Variants in IL4R observed in about 807,000 individuals in gnomAD.
The protein encoded by IL4R is interleukin-4 receptor subunit alpha.
IL4R carries 17 observed loss-of-function variants against 41.5 expected under a neutral mutation model. The ratio of observed to expected loss-of-function variants is 0.41; its 90% CI spans 0.28 to 0.61. IL4R has a LOEUF of 0.61. IL4R is among the 20% of genes least tolerant of loss of function. The pLI, the probability that IL4R is intolerant of heterozygous loss-of-function variation, is 0.31. For missense variants in IL4R, 974 were observed against 1,043.1 expected, an observed-to-expected ratio of 0.93 and a Z score of 0.91; for synonymous variants, 402 against 422.9, an observed-to-expected ratio of 0.95 and a Z score of 0.61.
At chr16:27,348,701 G>A (rs554082447) in intron 6 of IL4R, among the ~76,000 whole-genome samples, 6 of 152,344 alleles carry the variant, frequency 3.9e-5, no homozygotes, top group African/African-American at 1.4e-4. Context: ...ACCAATCACT[G>A]GCTGTGGGTG....
chr16:27,342,254 C>G lies in IL4R; in HGVS notation c.204C>G (p.Leu68=), dbSNP rs2085466720. The part of the protein sequence containing the change: ...LRLLYQLVFL[L]SEAHTCIPEN... ...TGTTGTACCAGCTGGTTTTTCTGCT[C>G]TCCGAGTAAGCCTGCGCTGGAGCTG... The change falls in exon 4 of 11, where the codon CTC becomes CTG. Residue 68 remains leucine (L), a synonymous_variant. Coordinates refer to ENST00000395762, the MANE Select transcript of IL4R (RefSeq NM_000418.4). The G allele has an allele frequency of 1.9e-6, 3 of 1,614,234 alleles. No homozygotes were observed. The highest frequency in any genetic ancestry group is 2.5e-6 in the Non-Finnish European group (3 of 1,180,026).
intron 2 of IL4R, among the ~76,000 whole-genome samples, chr16:27,335,323 G>A (rs1329317570): frequency 6.6e-6 from 1 of 152,122 alleles, no homozygotes; most frequent in African/African-American, 2.4e-5. Context: ...TTTGCAGGGA[G>A]TTACTTTGAG....
chr16:27,351,527 TTTC>T (rs1459345306), intron 6 of IL4R, among the ~76,000 whole-genome samples: 10,542 of 130,044 alleles, frequency 0.081, 492 homozygotes, highest in Middle Eastern at 0.1. Context: ...TTTTTTTTTT[TTTC>T]CGAGACGAAG....
intron 7 of IL4R, chr16:27,355,074 A>T: frequency 2.2e-6 from 1 of 447,952 alleles, no homozygotes; most frequent in Non-Finnish European, 4.8e-6. Flanking sequence ...ACACTGGGGA[A>T]TCGGCGATGA....
intron 6 of IL4R, among the ~76,000 whole-genome samples, chr16:27,352,181 A>C (rs906822620): frequency 2.0e-5 from 3 of 152,244 alleles, no homozygotes; most frequent in African/African-American, 4.8e-5. Flanking sequence ...TTTGCAGATG[A>C]GGACATTGAG....
In IL4R at chr16:27,363,326, CAG is replaced by C; in HGVS notation, c.1975_1976del (p.Arg659GlyfsTer131). The C allele has an allele frequency of 1.2e-6, 2 of 1,613,250 alleles. No individual in the cohort carries two copies. The highest frequency in any genetic ancestry group is 1.7e-6 in the Non-Finnish European group (2 of 1,179,570). ...TCCCCTTGTTCACCTTTGGACTGGA[CAG>C]GGAGCCACCTCGCAGTCCGCAGAGC... ...PVPLFTFGLDREPPRSPQSSH... is the reference protein window; with the variant it reads ...PVPLFTFGLDXEPPRSPQSSH... On this transcript the variant is annotated frameshift_variant, in exon 11 of 11. Coordinates refer to ENST00000395762, the MANE Select transcript of IL4R (RefSeq NM_000418.4). LOFTEE classifies it low-confidence loss of function (END_TRUNC).
At chr16:27,341,367 TG>T (rs1301047045) in intron 3 of IL4R, 1 of 595,580 alleles carries the variant, frequency 1.7e-6, no homozygotes, top group Non-Finnish European at 3.0e-6. Flanking sequence ...GAGATAAGCT[TG>T]GAATATTTAT....
At position 27,364,042 on chromosome 16, in the gene IL4R, C is replaced by T. The variant is rs2086413272; in HGVS notation, c.*212C>T. 1.8e-5 allele frequency: 11 copies of T among 595,720 alleles called. No homozygotes were observed. The highest frequency in any genetic ancestry group is 2.9e-5 in the Non-Finnish European group (10 of 343,118). 36.9% of individuals were successfully genotyped at this position (595,720 alleles called of 1,614,324 possible). On this transcript the variant is annotated 3_prime_UTR_variant, in exon 11 of 11. Coordinates refer to ENST00000395762, the MANE Select transcript of IL4R (RefSeq NM_000418.4). ...GCATTGGGCTGGGCTCGCCACATCC[C>T]ATGAGAGTAGAGGGCACTGGGTCGC...
chr16:27,314,594 T>C (rs879545815), intron 1 of IL4R, among the ~76,000 whole-genome samples: 3 of 152,140 alleles, frequency 2.0e-5, no homozygotes, highest in African/African-American at 4.8e-5. Flanking sequence ...TCATGGACAT[T>C]GTACAGATGA....
At chr16:27,326,900 T>C (rs1281211809) in intron 1 of IL4R, among the ~76,000 whole-genome samples, 1 of 152,094 alleles carries the variant, frequency 6.6e-6, no homozygotes, top group African/African-American at 2.4e-5. Flanking sequence ...TGCCTTACTA[T>C]CCCAGTGGGG....
chr16:27,339,042 A>T (rs2085351851), intron 2 of IL4R, among the ~76,000 whole-genome samples: 1 of 151,984 alleles, frequency 6.6e-6, no homozygotes, highest in Admixed American at 6.6e-5. Flanking sequence ...TTTAGTACAG[A>T]CGGGGTTTCT....
chr16:27,362,973 ACTGTGCCCCAAC>A lies in IL4R; in HGVS notation c.1625_1636del (p.Val542_Pro545del). The A allele has an allele frequency of 6.2e-7, 1 of 1,614,084 alleles. No homozygotes were observed. Among genetic ancestry groups the A allele is most frequent in the Non-Finnish European group, 8.5e-7 (1 of 1,180,008 alleles). On this transcript the variant is annotated inframe_deletion, in exon 11 of 11. Transcript: ENST00000395762. The stretch of plus-strand genomic sequence containing the variant: ...TGTCCCCCAGCTCTCTGAGCCAACC[ACTGTGCCCCAAC>A]CTGAGCCAGAAACCTGGGAGCAGAT...
At chr16:27,361,611 T>TG (rs1491419239) in intron 10 of IL4R, among the ~76,000 whole-genome samples, 1 of 34,626 alleles carries the variant, frequency 2.9e-5, no homozygotes, top group East Asian at 8.6e-4. Context: ...ATCCCGCATC[T>TG]TTTTTTTTTT....
rs1237208835 is a variant in IL4R, at chr16:27,363,221, G to T, written c.1869G>T (p.Gly623=). The T allele has an allele frequency of 6.2e-7, 1 of 1,608,002 alleles. No homozygotes were observed. Among genetic ancestry groups the T allele is most frequent in the South Asian group, 1.1e-5 (1 of 90,422 alleles). ...SAVSPEKCGF[G]ASSGEEGYKP... ...TGTCCCCAGAGAAATGTGGGTTTGG[G>T]GCTAGCAGTGGGGAAGAGGGGTATA... Residue 623 remains glycine, a synonymous_variant, in exon 11 of 11, where the codon GGG becomes GGT. Transcript: ENST00000395762.
intron 1 of IL4R, among the ~76,000 whole-genome samples, chr16:27,327,310 G>A (rs947336082): frequency 6.6e-6 from 1 of 152,140 alleles, no homozygotes; most frequent in South Asian, 2.1e-4. Flanking sequence ...CCAGTCCTCC[G>A]CCCCCTGCCC....
At position 27,362,650 on chromosome 16, in the gene IL4R, T is replaced by C. The variant is rs970330806; in HGVS notation, c.1298T>C (p.Leu433Pro). 5 of 1,613,968 alleles carry C rather than the reference T, an allele frequency of 3.1e-6. No individual in the cohort carries two copies. The African/African-American group carries it at 5.3e-5, about 17-fold the overall frequency. ...CQQDMGESCL[L>P]PPSGSTSAHM... ...CAGGACATGGGGGAGTCATGCCTTC[T>C]TCCACCTTCGGGAAGTACGAGTGCT... Residue 433 changes from leucine (L) to proline (P), a missense_variant, in exon 11 of 11, where the codon CTT becomes CCT. By Grantham distance (98) the Leu-to-Pro change is moderately conservative. Around this residue, in one of 3 missense-constraint regions of IL4R, gnomAD observed 682 missense variants for 704.3 expected, o/e 0.97. Coordinates refer to ENST00000395762, the MANE Select transcript of IL4R (RefSeq NM_000418.4).
In IL4R at chr16:27,363,889, G is replaced by C; in HGVS notation, c.*59G>C. On this transcript the variant is annotated 3_prime_UTR_variant, in exon 11 of 11. Coordinates refer to ENST00000395762, the MANE Select transcript of IL4R (RefSeq NM_000418.4). ...AGGACTAGGGCTTATCCATGCCTGGGAAATGCCACCTCCTGGAAGGCAGCC... is the reference window on the plus strand; with the variant it reads ...AGGACTAGGGCTTATCCATGCCTGGCAAATGCCACCTCCTGGAAGGCAGCC... The C allele has an allele frequency of 6.6e-7, 1 of 1,517,910 alleles. No individual in the cohort carries two copies. 94.0% of individuals were successfully genotyped at this position (1,517,910 alleles called of 1,614,324 possible).
At chr16:27,352,302 A>C (rs1476223520) in intron 6 of IL4R, among the ~76,000 whole-genome samples, 1 of 152,194 alleles carries the variant, frequency 6.6e-6, no homozygotes, top group African/African-American at 2.4e-5. Context: ...AAACTCAGAA[A>C]GGTTAAACAA....
intron 9 of IL4R, 89 bp downstream of exon 9, chr16:27,359,083 G>C: frequency 1.0e-6 from 1 of 977,828 alleles, no homozygotes; most frequent in East Asian, 2.6e-5. Flanking sequence ...ACCTTCACTG[G>C]CTTCTGGAAT....
Sources: allele counts gnomAD v4.1 joint callset (sites outside exome capture counted in the v4.1 genomes callset), GRCh38; gene constraint gnomAD v4.1.1; regional missense constraint gnomAD v4.1.1; transcripts MANE v1.5; gene names NCBI Gene and HGNC (gene_info 2026-07-23, HGNC 2026-07-21).